MACROD2: variants seen among roughly 807,000 people sequenced by gnomAD.
MACROD2 encodes mono-ADP ribosylhydrolase 2, also known as ADP-ribose glycohydrolase MACROD2.
In MACROD2, 36 loss-of-function variants were observed where a neutral mutation model predicts 70.4. That is an observed-to-expected ratio of 0.51 (90% CI 0.39 to 0.68). The LOEUF (loss-of-function observed/expected upper bound fraction) is 0.68. Among genes scored for constraint, MACROD2 ranks in the 30% least tolerant of loss-of-function variants. The pLI is 0.00. For missense variants in MACROD2, 496 were observed against 538.4 expected, an observed-to-expected ratio of 0.92 and a Z score of 0.78; for synonymous variants, 172 against 178.8, an observed-to-expected ratio of 0.96 and a Z score of 0.30.
At chr20:14,364,990 A>G (rs204632) in intron 3 of MACROD2, among the ~76,000 whole-genome samples, 105,890 of 152,074 alleles carry the variant, frequency 0.7, 37,448 homozygotes, top group Non-Finnish European at 0.75. Context: ...CATAGAATGA[A>G]TTAGGAAGTA....
chr20:14,346,104 A>C (rs2083061703), intron 3 of MACROD2, among the ~76,000 whole-genome samples: 1 of 147,938 alleles, frequency 6.8e-6, no homozygotes, highest in East Asian at 2.0e-4. Context: ...AAAAAAAAAA[A>C]AAAAAAAAAA....
At chr20:14,214,604 A>AT (rs1449584770) in intron 3 of MACROD2, among the ~76,000 whole-genome samples, 1 of 8,054 alleles carries the variant, frequency 1.2e-4, no homozygotes. Flanking sequence ...TTTTTTTTTA[A>AT]GGTTTTTTTT....
chr20:14,386,840 T>C (rs943068623), intron 3 of MACROD2, among the ~76,000 whole-genome samples: 7 of 152,216 alleles, frequency 4.6e-5, no homozygotes, highest in Admixed American at 2.0e-4. Flanking sequence ...ATGGCTTTTC[T>C]CTGTCTCCTT....
intron 4 of MACROD2, among the ~76,000 whole-genome samples, chr20:14,507,612 T>G (rs985778316): frequency 6.6e-6 from 1 of 152,174 alleles, no homozygotes; most frequent in Admixed American, 6.5e-5. Context: ...GATGTTGGAT[T>G]TAGCAAAAAT....
intron 5 of MACROD2, among the ~76,000 whole-genome samples, chr20:15,128,208 G>A (rs1390700006): frequency 6.6e-6 from 1 of 151,982 alleles, no homozygotes; most frequent in Non-Finnish European, 1.5e-5. Flanking sequence ...AGAGAAAGTG[G>A]GAACAATGGA....
intron 5 of MACROD2, among the ~76,000 whole-genome samples, chr20:14,909,446 C>G (rs562811590): frequency 1.3e-5 from 2 of 152,102 alleles, no homozygotes; most frequent in South Asian, 4.2e-4. Flanking sequence ...AAATTATTAC[C>G]TGGATTAAAA....
At chr20:15,836,918 G>T (rs12480694) in intron 8 of MACROD2, among the ~76,000 whole-genome samples, 7,779 of 152,268 alleles carry the variant, frequency 0.051, 340 homozygotes, top group East Asian at 0.21. Flanking sequence ...TGCCTATAAG[G>T]TTTGCCTTGC....
At chr20:15,250,060 C>T (rs940095626) in intron 6 of MACROD2, among the ~76,000 whole-genome samples, 3 of 152,158 alleles carry the variant, frequency 2.0e-5, no homozygotes, top group Non-Finnish European at 4.4e-5. Context: ...CTTGTGTCTC[C>T]TCTGCTGCCA....
intron 8 of MACROD2, among the ~76,000 whole-genome samples, chr20:15,643,829 A>G (rs1050116853): frequency 6.6e-6 from 1 of 152,140 alleles, no homozygotes. Context: ...TTAGATGGAC[A>G]TTTATGTTTC....
chr20:14,440,889 G>A (rs1167079781), intron 3 of MACROD2, among the ~76,000 whole-genome samples: 5 of 152,072 alleles, frequency 3.3e-5, no homozygotes, highest in Admixed American at 2.6e-4. Context: ...CATTAGAAGA[G>A]GGTGCCACTT....
intron 6 of MACROD2, among the ~76,000 whole-genome samples, chr20:15,420,864 T>C (rs2046218272): frequency 6.6e-6 from 1 of 152,058 alleles, no homozygotes. Context: ...GGCAGGAGGA[T>C]TACTTGATGC....
In MACROD2 at chr20:14,706,695, G is replaced by A. The variant is rs117951242; in HGVS notation, c.418+21736G>A. Among the ~76,000 whole-genome samples the A allele has an allele frequency of 6.7e-4, 102 of 151,996 alleles. 1 individual carries two copies. The East Asian group carries it at 0.017, about 26-fold the overall frequency. ...GCAGACAGCCCTCTCCTTTTGCTCC[G>A]CTTTATTCTTCCTGAATTGACTTTA... On this transcript the variant is annotated intron_variant, in intron 5 of 17. Transcript: ENST00000684519.
At chr20:14,448,260 A>G (rs1030603179) in intron 3 of MACROD2, among the ~76,000 whole-genome samples, 1 of 152,008 alleles carries the variant, frequency 6.6e-6, no homozygotes, top group African/African-American at 2.4e-5. Flanking sequence ...TCAGTGTACT[A>G]AATTGAGACT....
At chr20:15,797,240 A>G (rs1377714959) in intron 8 of MACROD2, among the ~76,000 whole-genome samples, 2 of 151,976 alleles carry the variant, frequency 1.3e-5, no homozygotes, top group African/African-American at 4.8e-5. Flanking sequence ...CAGCCTCCCT[A>G]GTAGCTGGGA....
chr20:14,032,139 TTGA>T (rs1324389672), intron 2 of MACROD2, among the ~76,000 whole-genome samples: 13 of 152,130 alleles, frequency 8.5e-5, no homozygotes, highest in Admixed American at 7.2e-4. Flanking sequence ...AAACTATTTT[TTGA>T]TGATCTCATT....
intron 7 of MACROD2, among the ~76,000 whole-genome samples, chr20:15,457,075 T>TAA (rs1169271655): frequency 9.0e-4 from 82 of 90,782 alleles, no homozygotes; most frequent in African/African-American, 3.2e-3. Flanking sequence ...TTTTTTTTTT[T>TAA]AAAAAAAAAG....
intron 8 of MACROD2, among the ~76,000 whole-genome samples, chr20:15,726,027 C>T (rs188763723): frequency 2.6e-5 from 4 of 151,858 alleles, no homozygotes; most frequent in African/African-American, 9.7e-5. Context: ...ATTTCATTGC[C>T]CAGGTAAAAA....
intron 9 of MACROD2, among the ~76,000 whole-genome samples, chr20:15,879,525 A>C (rs961534774): frequency 2.0e-5 from 3 of 152,178 alleles, no homozygotes; most frequent in African/African-American, 7.2e-5. Flanking sequence ...TAATTGCAAA[A>C]TATTAAGGCA....
intron 6 of MACROD2, among the ~76,000 whole-genome samples, chr20:15,258,538 C>T (rs2146039991): frequency 6.6e-6 from 1 of 152,116 alleles, no homozygotes; most frequent in Middle Eastern, 3.4e-3. Context: ...ACATTTGTAG[C>T]CTAGGAGCAA....
Sources: gnomAD v4.1 joint callset for allele counts (sites outside exome capture counted in the v4.1 genomes callset) on GRCh38, gnomAD v4.1.1 for gene constraint, MANE v1.5 for transcripts, NCBI Gene and HGNC (gene_info 2026-07-23, HGNC 2026-07-21) for gene names.